C1QTNF1: variants seen among roughly 807,000 people sequenced by gnomAD.
The protein encoded by C1QTNF1 is complement C1q tumor necrosis factor-related protein 1.
In C1QTNF1, 22 loss-of-function variants were observed where a neutral mutation model predicts 27.8. That is an observed-to-expected ratio of 0.79 (90% CI 0.56 to 1.13). The LOEUF (loss-of-function observed/expected upper bound fraction) is 1.13. Among genes scored for constraint, C1QTNF1 ranks in the 50% most tolerant of loss-of-function variants. The probability of loss-of-function intolerance (pLI) is 0.00; values close to 1 mark genes in which losing one functional copy is unlikely to be tolerated. For synonymous variants in C1QTNF1, 166 were observed against 154.3 expected (o/e 1.08, Z -0.56); for missense variants, 373 against 380.2 (o/e 0.98, Z 0.16).
At position 79,046,747 on chromosome 17, in the gene C1QTNF1, C is replaced by T; in HGVS notation, c.295+53C>T. 2.5e-6 allele frequency: 4 copies of T among 1,606,690 alleles called. No homozygotes were observed. Among genetic ancestry groups the T allele is most frequent in the Middle Eastern group, 1.7e-4 (1 of 5,916 alleles). ...GGTGGCCGGGCTGCTCTGTGCTGAT[C>T]CGGAGGAAGGGATGGAGTCGTTAGG... On this transcript the variant is annotated intron_variant, in intron 3 of 3. Coordinates refer to ENST00000579760, the MANE Select transcript of C1QTNF1 (RefSeq NM_030968.5). This position sits in a 1 kb window ranked among gnomAD's most constrained non-coding sequence, Gnocchi z 4.8.
Position 79,046,354 on chromosome 17 carries a change from T to A in C1QTNF1, c.156-201T>A, listed in dbSNP as rs2072572285. 6.6e-6 allele frequency among the ~76,000 whole-genome samples: 1 copy of A among 152,152 alleles called. No individual in the cohort carries two copies. The highest frequency in any genetic ancestry group is 2.4e-5 in the African/African-American group (1 of 41,432). The stretch of plus-strand genomic sequence containing the variant: ...GTGTTTCCAGGACTGTCATTGCCTT[T>A]AACAGAGGGCAGGGGGCTCGTTCGG... On this transcript the variant is annotated intron_variant, in intron 2 of 3. Coordinates refer to ENST00000579760, the MANE Select transcript of C1QTNF1 (RefSeq NM_030968.5). This position sits in a 1 kb window ranked among gnomAD's most constrained non-coding sequence, Gnocchi z 4.8.
intron 1 of C1QTNF1, among the ~76,000 whole-genome samples, chr17:79,032,162 C>T (rs377714228): frequency 1.3e-5 from 2 of 152,126 alleles, no homozygotes; most frequent in Admixed American, 1.3e-4. Flanking sequence ...GACTGTAGAC[C>T]GGTTCGTCCG....
At chr17:79,026,865 C>T (rs1285208413) in intron 1 of C1QTNF1, among the ~76,000 whole-genome samples, 1 of 152,242 alleles carries the variant, frequency 6.6e-6, no homozygotes. Context: ...CTTTTCAGGG[C>T]AACCAGGACA....
chr17:79,040,317 T>C (rs2072370708), intron 1 of C1QTNF1, among the ~76,000 whole-genome samples: 1 of 152,142 alleles, frequency 6.6e-6, no homozygotes, highest in African/African-American at 2.4e-5. Flanking sequence ...CAAAAAAATT[T>C]AGCTGGGCGT....
At chr17:79,030,175 GTACT>G (rs2072086122) in intron 1 of C1QTNF1, among the ~76,000 whole-genome samples, 1 of 152,136 alleles carries the variant, frequency 6.6e-6, no homozygotes, top group Non-Finnish European at 1.5e-5. Flanking sequence ...AAAATAATGT[GTACT>G]TACTGTGAAA....
At chr17:79,027,564 C>T (rs898378973) in intron 1 of C1QTNF1, 2 of 152,322 alleles carry the variant, frequency 1.3e-5, no homozygotes, top group African/African-American at 4.8e-5. Context: ...TAAGCAGGGA[C>T]ATGCAGGAGC....
chr17:79,024,022 ACT>A (rs2071845750), upstream of C1QTNF1: 2 of 151,920 alleles, frequency 1.3e-5, no homozygotes, highest in Admixed American at 6.6e-5. Flanking sequence ...CCCCACCCCC[ACT>A]CTCAGCCTGG....
intron 1 of C1QTNF1, among the ~76,000 whole-genome samples, chr17:79,035,963 CA>C (rs568183979): frequency 1.1e-3 from 168 of 152,276 alleles, no homozygotes; most frequent in African/African-American, 3.8e-3. Context: ...AGGATCTATT[CA>C]AGCAGGCTGG....
At chr17:79,031,338 G>A (rs183460915) in intron 1 of C1QTNF1, among the ~76,000 whole-genome samples, 30 of 151,986 alleles carry the variant, frequency 2.0e-4, no homozygotes, top group East Asian at 1.2e-3. Flanking sequence ...TAGAAAGAAC[G>A]CGTTTACTGG....
intron 1 of C1QTNF1, chr17:79,025,965 C>A (rs563608200): frequency 3.6e-5 from 15 of 421,502 alleles, no homozygotes; most frequent in African/African-American, 1.4e-4. Context: ...ACATGGCAGG[C>A]GCTCAACATT....
intron 1 of C1QTNF1, among the ~76,000 whole-genome samples, chr17:79,041,299 T>C (rs2072401069): frequency 6.6e-6 from 1 of 152,040 alleles, no homozygotes; most frequent in Non-Finnish European, 1.5e-5. Context: ...GCGTGGGCCA[T>C]GCAAGGTGGT....
rs114695861 is a variant in C1QTNF1 at position 79,047,083 on chromosome 17, C to T, written c.295+389C>T. 2.6e-3 allele frequency: 675 copies of T among 258,828 alleles called. 7 individuals are homozygous for T. Among genetic ancestry groups the T allele is most frequent in the African/African-American group, 0.014 (621 of 45,272 alleles). 16.0% of individuals were successfully genotyped at this position (258,828 alleles called of 1,614,324 possible). On this transcript the variant is annotated intron_variant, in intron 3 of 3. Transcript: ENST00000579760. ...CCTGCACACGGCAGATAACCCTGCA[C>T]AGCCCCGTGAAATCGAACTGGAAAC...
chr17:79,037,816 C>T (rs1483801999), intron 1 of C1QTNF1, among the ~76,000 whole-genome samples: 1 of 151,874 alleles, frequency 6.6e-6, no homozygotes, highest in African/African-American at 2.4e-5. Context: ...GGACTACAGG[C>T]GAACACCACC....
Position 79,048,289 on chromosome 17 carries a change from G to A in C1QTNF1, c.*201G>A. On this transcript the variant is annotated 3_prime_UTR_variant, in exon 4 of 4. Coordinates refer to ENST00000579760, the MANE Select transcript of C1QTNF1 (RefSeq NM_030968.5). ...AGCTGACGGCAGATGAAATCACCAG[G>A]GCGGGGCACCCGCGAGAACCCTCTG... The A allele has an allele frequency of 1.7e-6, 1 of 605,608 alleles. No homozygotes were observed. The highest frequency in any genetic ancestry group is 2.9e-5 in the East Asian group (1 of 34,030). 37.5% of individuals were successfully genotyped at this position (605,608 alleles called of 1,614,324 possible).
intron 1 of C1QTNF1, among the ~76,000 whole-genome samples, chr17:79,041,017 G>A (rs1284221718): frequency 6.6e-6 from 1 of 152,168 alleles, no homozygotes; most frequent in African/African-American, 2.4e-5. Context: ...CATCCGTGAT[G>A]GGATAAAAAT....
At chr17:79,023,286 C>A (rs2071824546), upstream of C1QTNF1, among the ~76,000 whole-genome samples, 1 of 152,198 alleles carries the variant, frequency 6.6e-6, no homozygotes, top group African/African-American at 2.4e-5. Flanking sequence ...ATGCTGTTAT[C>A]ATCAGAGCTG....
intron 1 of C1QTNF1, among the ~76,000 whole-genome samples, chr17:79,041,446 C>T (rs558379408): frequency 2.6e-4 from 39 of 152,246 alleles, no homozygotes; most frequent in Admixed American, 2.0e-4. Context: ...GTTGACTTGG[C>T]GTGAGGGCTC....
At chr17:79,043,443 T>C in intron 1 of C1QTNF1, 2 of 453,736 alleles carry the variant, frequency 4.4e-6, no homozygotes, top group South Asian at 1.6e-5. Context: ...CATGTGAGCG[T>C]GTGGATTCCA....
At chr17:79,027,085 G>C (rs575316765) in intron 1 of C1QTNF1, among the ~76,000 whole-genome samples, 4 of 151,948 alleles carry the variant, frequency 2.6e-5, no homozygotes, top group African/African-American at 7.2e-5. Context: ...CCTGGGCGGG[G>C]GGGGGCTGTG....
Sources: gnomAD v4.1 joint callset for allele counts (sites outside exome capture counted in the v4.1 genomes callset) on GRCh38, gnomAD v4.1.1 for gene constraint, Gnocchi (gnomAD v3.1) non-coding constraint, MANE v1.5 for transcripts, NCBI Gene and HGNC (gene_info 2026-07-23, HGNC 2026-07-21) for gene names.